The following HSD17B2 variants were observed in gnomAD, a reference collection of about 807,000 sequenced individuals.
HSD17B2 encodes the protein 17-beta-hydroxysteroid dehydrogenase type 2.
In HSD17B2, 32 loss-of-function variants were observed where a neutral mutation model predicts 26.9. The observed-to-expected ratio is 1.19, with a 90% CI of 0.90 to 1.60. The LOEUF is 1.60. Among genes scored for constraint, HSD17B2 ranks in the 40% most tolerant of loss-of-function variants. The pLI is 0.00. For missense variants in HSD17B2, 613 were observed against 468.6 expected (o/e 1.31, Z -2.85); for synonymous variants, 246 against 186.7 (o/e 1.32, Z -2.59).
intron 3 of HSD17B2, among the ~76,000 whole-genome samples, chr16:82,078,200 C>T (rs1597134963): frequency 6.6e-6 from 1 of 152,142 alleles, no homozygotes; most frequent in East Asian, 1.9e-4. Context: ...ATCAAATAAT[C>T]TCATTTAAAA....
chr16:82,064,894 T>C lies in HSD17B2; in HGVS notation c.266-3276T>C, dbSNP rs1348002421. On this transcript the variant is annotated intron_variant, in intron 1 of 4. Transcript: ENST00000199936. ...TGCATGAAGGAAGACAGCCACCCAG[T>C]CCCCCCATTTGCTATTGAGTTTAAT... Among the ~76,000 whole-genome samples, 16 of 152,206 alleles carry C rather than the reference T, an allele frequency of 1.1e-4. No individual in the cohort carries two copies. The East Asian group carries it at 3.1e-3, about 29-fold the overall frequency.
At position 82,054,217 on chromosome 16, in the gene HSD17B2, A is replaced by G. The variant is rs1031717555; in HGVS notation, c.266-13953A>G. Among the ~76,000 whole-genome samples, 15 of 152,064 alleles carry G rather than the reference A, an allele frequency of 9.9e-5. No individual in the cohort carries two copies. The South Asian group carries it at 3.1e-3, about 31-fold the overall frequency. On this transcript the variant is annotated intron_variant, in intron 1 of 4. Coordinates refer to ENST00000199936, the MANE Select transcript of HSD17B2 (RefSeq NM_002153.3). Reference sequence around the variant, plus strand: ...CCTTAACCCACATATCGAAAAAAAAAAAAAAAGAAAAAAAAGAAAGAAAAG... The same window carrying G: ...CCTTAACCCACATATCGAAAAAAAAGAAAAAAGAAAAAAAAGAAAGAAAAG...
intron 3 of HSD17B2, among the ~76,000 whole-genome samples, chr16:82,080,031 T>C (rs2144000373): frequency 6.6e-6 from 1 of 152,314 alleles, no homozygotes; most frequent in Admixed American, 6.5e-5. Context: ...GTCTGGCACC[T>C]CTGTCACCTT....
In HSD17B2 at chr16:82,098,065, T is replaced by C. The variant is rs200528178; in HGVS notation, c.803-10T>C. The C allele has an allele frequency of 1.4e-5, 23 of 1,601,550 alleles. No homozygotes were observed. Among genetic ancestry groups the C allele is most frequent in the Non-Finnish European group, 1.7e-5 (20 of 1,173,050 alleles). On this transcript the variant is annotated splice_polypyrimidine_tract_variant and intron_variant, in intron 4 of 4. Coordinates refer to ENST00000199936, the MANE Select transcript of HSD17B2 (RefSeq NM_002153.3). ...CCAGGATCTGACTCTTCCCTTTCCT[T>C]TCACCCCAGATATCGCAGGCACCAG...
At chr16:82,085,176 T>G (rs1283226616) in intron 3 of HSD17B2, among the ~76,000 whole-genome samples, 1 of 152,208 alleles carries the variant, frequency 6.6e-6, no homozygotes, top group East Asian at 1.9e-4. Flanking sequence ...CCTGGACTTT[T>G]CCTTGCTGAG....
At position 82,090,982 on chromosome 16, in the gene HSD17B2, G is replaced by A; in HGVS notation, c.745G>A (p.Glu249Lys). Residue 249 changes from glutamate to lysine, a missense_variant, in exon 4 of 5, where the codon GAG (glutamate) becomes AAG (lysine). Physicochemically the swap from Glu to Lys is moderately conservative, Grantham distance 56. Transcript: ENST00000199936. ...CATGTTCTCATCAGTTATGAGACTG[G>A]AGCTTTCCAAGTGGGGAATTAAAGT... ...VTMFSSVMRL[E>K]LSKWGIKVAS... 9 of 1,613,990 alleles carry A rather than the reference G, an allele frequency of 5.6e-6. No individual in the cohort carries two copies. The highest frequency in any genetic ancestry group is 7.6e-6 in the Non-Finnish European group (9 of 1,179,862).
At chr16:82,053,415 G>A (rs1258383786) in intron 1 of HSD17B2, among the ~76,000 whole-genome samples, 1 of 151,930 alleles carries the variant, frequency 6.6e-6, no homozygotes. Flanking sequence ...TCATTCTCCC[G>A]AGTTTTAATT....
At chr16:82,049,015 G>A (rs1914024010) in intron 1 of HSD17B2, among the ~76,000 whole-genome samples, 1 of 152,150 alleles carries the variant, frequency 6.6e-6, no homozygotes, top group African/African-American at 2.4e-5. Context: ...TACTTTCTGG[G>A]CTGGAACAGG....
At chr16:82,053,994 A>T (rs1914188418) in intron 1 of HSD17B2, among the ~76,000 whole-genome samples, 1 of 152,162 alleles carries the variant, frequency 6.6e-6, no homozygotes, top group Non-Finnish European at 1.5e-5. Flanking sequence ...AAGTCAAGAG[A>T]TTATGTGCTG....
At position 82,053,057 on chromosome 16, in the gene HSD17B2, C is replaced by T. The variant is rs188609905; in HGVS notation, c.266-15113C>T. Among the ~76,000 whole-genome samples, 662 of 152,352 alleles carry T rather than the reference C, an allele frequency of 4.3e-3. 6 individuals carry two copies. Among genetic ancestry groups the T allele is most frequent in the Non-Finnish European group, 6.2e-3 (422 of 68,024 alleles). On this transcript the variant is annotated intron_variant, in intron 1 of 4. Coordinates refer to ENST00000199936, the MANE Select transcript of HSD17B2 (RefSeq NM_002153.3). Reference sequence around the variant, plus strand: ...AGACCTAATTACCTCCCAAAGGCTCCACCTCTCAATGCCATCAACATATGA... The same window carrying T: ...AGACCTAATTACCTCCCAAAGGCTCTACCTCTCAATGCCATCAACATATGA...
intron 1 of HSD17B2, among the ~76,000 whole-genome samples, chr16:82,060,496 C>T (rs770123357): frequency 6.6e-6 from 1 of 152,228 alleles, no homozygotes; most frequent in Non-Finnish European, 1.5e-5. Context: ...CGACTCATCT[C>T]CTGGTTAATC....
chr16:82,075,769 C>G (rs1381266717), intron 3 of HSD17B2, among the ~76,000 whole-genome samples: 1 of 151,970 alleles, frequency 6.6e-6, no homozygotes, highest in African/African-American at 2.4e-5. Context: ...GGCTTCACTG[C>G]TGAATTTTAC....
In HSD17B2 at chr16:82,039,155, T is replaced by C. The variant is rs757277525; in HGVS notation, c.265+3466T>C. Among the ~76,000 whole-genome samples the C allele has an allele frequency of 2.8e-4, 42 of 152,144 alleles. No individual in the cohort carries two copies. The Middle Eastern group carries it at 0.01, about 37-fold the overall frequency. Reference sequence around the variant, plus strand: ...GGGGAATAGCATCTTATTTGCTGCATCTTTATTACTAGCTGTGTGGACAGC... The same window carrying C: ...GGGGAATAGCATCTTATTTGCTGCACCTTTATTACTAGCTGTGTGGACAGC... On this transcript the variant is annotated intron_variant, in intron 1 of 4. Transcript: ENST00000199936.
chr16:82,070,153 G>A (rs748829951), intron 2 of HSD17B2, among the ~76,000 whole-genome samples: 2 of 151,942 alleles, frequency 1.3e-5, no homozygotes, highest in Non-Finnish European at 2.9e-5. Context: ...TCCCCCTGCT[G>A]CCATTCTGCA....
rs547739994 is a variant in HSD17B2, at chr16:82,045,492, GC to G, written c.265+9804del. ...ATATATTGCTGCCTGATACGTAGTA[GC>G]TGCTTTATAAAATATAATGATTTTT... On this transcript the variant is annotated intron_variant, in intron 1 of 4. Coordinates refer to ENST00000199936, the MANE Select transcript of HSD17B2 (RefSeq NM_002153.3). Among the ~76,000 whole-genome samples the G allele has an allele frequency of 5.8e-3, 888 of 152,304 alleles. 11 individuals carry two copies. The highest frequency in any genetic ancestry group is 0.019 in the African/African-American group (799 of 41,572).
intron 4 of HSD17B2, chr16:82,096,983 A>G (rs973106368): frequency 2.6e-5 from 4 of 151,976 alleles, no homozygotes; most frequent in African/African-American, 9.7e-5. Context: ...GAGAGATTTT[A>G]AGGCTGGTCC....
chr16:82,071,226 C>T, intron 3 of HSD17B2, 99 bp downstream of exon 3: 1 of 1,169,448 alleles, frequency 8.6e-7, no homozygotes, highest in Non-Finnish European at 1.3e-6. Context: ...CATGCAAAGG[C>T]AGGGTTGGGT....
chr16:82,069,657 T>C (rs982091275), intron 2 of HSD17B2, among the ~76,000 whole-genome samples: 1 of 152,244 alleles, frequency 6.6e-6, no homozygotes, highest in African/African-American at 2.4e-5. Context: ...CCCTGGGCCA[T>C]GCAGTTTTCT....
At chr16:82,066,274 G>C (rs569035000) in intron 1 of HSD17B2, among the ~76,000 whole-genome samples, 7 of 152,306 alleles carry the variant, frequency 4.6e-5, no homozygotes, top group East Asian at 1.9e-4. Context: ...GACATACATG[G>C]AGACATAAGA....
Sources: gnomAD v4.1 joint callset for allele counts (sites outside exome capture counted in the v4.1 genomes callset) on GRCh38, gnomAD v4.1.1 for gene constraint, MANE v1.5 for transcripts, NCBI Gene and HGNC (gene_info 2026-07-23, HGNC 2026-07-21) for gene names.